The following SGCZ variants were observed in gnomAD, a reference collection of about 807,000 sequenced individuals.
The protein encoded by SGCZ is zeta-sarcoglycan.
A neutral mutation model predicts 41.3 loss-of-function variants in SGCZ; 40 were observed. The ratio of observed to expected loss-of-function variants is 0.97; its 90% CI spans 0.75 to 1.26. SGCZ has a LOEUF of 1.26. SGCZ is among the 50% of genes most tolerant of loss of function. SGCZ has a pLI of 0.00. For missense variants in SGCZ, 552 were observed against 369.8 expected (o/e 1.49, Z -4.04); for synonymous variants, 206 against 137.5 (o/e 1.50, Z -3.49).
At chr8:14,678,562 A>G (rs1000284230) in intron 1 of SGCZ, among the ~76,000 whole-genome samples, 3 of 152,248 alleles carry the variant, frequency 2.0e-5, no homozygotes, top group Non-Finnish European at 4.4e-5. Flanking sequence ...TGTGGCGCAA[A>G]AGCAATTCTC....
chr8:14,675,681 A>C lies in SGCZ; in HGVS notation c.40-120755T>G, dbSNP rs145673902. Among the ~76,000 whole-genome samples, 668 of 152,330 alleles carry C rather than the reference A, an allele frequency of 4.4e-3. 11 individuals are homozygous for C. The highest frequency in any genetic ancestry group is 0.015 in the African/African-American group (642 of 41,578). On this transcript the variant is annotated intron_variant, in intron 1 of 7. Transcript: ENST00000382080. ...CAATGGACAGAAAGAGAGGGACAGA[A>C]ACACAACTCTGATTTCCCGTCTTGC... is the stretch of plus-strand genomic sequence containing the variant.
rs796199439 is a variant in SGCZ, at chr8:14,698,160, T to C, written c.40-143234A>G. On this transcript the variant is annotated intron_variant, in intron 1 of 7. Transcript: ENST00000382080. ...CAAACAAAATATAGATGTGTTCCTT[T>C]TCCTATAAGAATGAAATATTATACT... Among the ~76,000 whole-genome samples the C allele has an allele frequency of 9.9e-5, 15 of 152,142 alleles. 1 individual carries two copies. Among genetic ancestry groups the C allele is most frequent in the African/African-American group, 3.6e-4 (15 of 41,554 alleles).
intron 2 of SGCZ, among the ~76,000 whole-genome samples, chr8:14,538,427 G>T (rs1452657141): frequency 6.6e-6 from 1 of 151,878 alleles, no homozygotes; most frequent in Non-Finnish European, 1.5e-5. Flanking sequence ...AGCAAGAGTA[G>T]AACATTCTAG....
At chr8:15,169,326 G>C (rs1799761315) in intron 1 of SGCZ, among the ~76,000 whole-genome samples, 1 of 152,146 alleles carries the variant, frequency 6.6e-6, no homozygotes, top group African/African-American at 2.4e-5. Flanking sequence ...CTGAGGTGGG[G>C]ACTTGGAAAG....
chr8:14,328,781 G>C lies in SGCZ; in HGVS notation c.235-4577C>G, dbSNP rs747591798. 8.5e-5 allele frequency among the ~76,000 whole-genome samples: 13 copies of C among 152,164 alleles called. 1 individual carries two copies. The highest frequency in any genetic ancestry group is 1.5e-4 in the Non-Finnish European group (10 of 68,034). ...TTAAGGGCCAATGTGATAGTATTAA[G>C]AGGTGGAGGCTTTAAGACATTATTA... On this transcript the variant is annotated intron_variant, in intron 2 of 7. Transcript: ENST00000382080.
At chr8:14,204,062 C>A (rs1805540666) in intron 4 of SGCZ, among the ~76,000 whole-genome samples, 1 of 151,988 alleles carries the variant, frequency 6.6e-6, no homozygotes, top group African/African-American at 2.4e-5. Flanking sequence ...AAATGCCAGG[C>A]ATTTCCATAC....
chr8:14,744,232 C>G (rs925627085), intron 1 of SGCZ, among the ~76,000 whole-genome samples: 2 of 152,266 alleles, frequency 1.3e-5, no homozygotes, highest in Non-Finnish European at 2.9e-5. Flanking sequence ...CAGACTAAGC[C>G]TGCTGAGCTA....
chr8:14,656,366 T>C lies in SGCZ; in HGVS notation c.40-101440A>G, dbSNP rs553106771. ...TCCTTCTCTCCTTCCTTCTTCCTTT[T>C]CTTTTCGTTTTTTCTTCTTTTTCTC... On this transcript the variant is annotated intron_variant, in intron 1 of 7. Transcript: ENST00000382080. Among the ~76,000 whole-genome samples the C allele has an allele frequency of 4.6e-3, 701 of 151,462 alleles. 13 individuals are homozygous for C. The East Asian group carries it at 0.052, about 11-fold the overall frequency.
At position 14,777,424 on chromosome 8, in the gene SGCZ, G is replaced by A. The variant is rs568245441; in HGVS notation, c.40-222498C>T. ...GGAAAAGTGATTTTAAATGATTAAC[G>A]CAAACGAACAAATTACCACAGTTTA... On this transcript the variant is annotated intron_variant, in intron 1 of 7. Coordinates refer to ENST00000382080, the MANE Select transcript of SGCZ (RefSeq NM_139167.4). Among the ~76,000 whole-genome samples, 46 of 152,124 alleles carry A rather than the reference G, an allele frequency of 3.0e-4. 1 individual carries two copies. The South Asian group carries it at 7.7e-3, about 25-fold the overall frequency.
At chr8:14,102,264 T>G in intron 7 of SGCZ, 112 bp downstream of exon 7, 3 of 1,167,780 alleles carry the variant, frequency 2.6e-6, no homozygotes, top group Non-Finnish European at 3.3e-6. Flanking sequence ...CAACTCCATT[T>G]ATTTTCTACT....
intron 1 of SGCZ, among the ~76,000 whole-genome samples, chr8:14,757,071 C>G (rs926067249): frequency 6.6e-6 from 1 of 151,940 alleles, no homozygotes; most frequent in Non-Finnish European, 1.5e-5. Context: ...TTTTTTGAGA[C>G]AAACTCTTGG....
chr8:14,953,013 C>A (rs1409942603), intron 1 of SGCZ, among the ~76,000 whole-genome samples: 2 of 152,056 alleles, frequency 1.3e-5, no homozygotes, highest in East Asian at 3.9e-4. Context: ...GGCCATCTAA[C>A]TTCTTGAAGA....
intron 2 of SGCZ, among the ~76,000 whole-genome samples, chr8:14,412,353 T>A (rs1799383242): frequency 6.6e-6 from 1 of 152,120 alleles, no homozygotes; most frequent in African/African-American, 2.4e-5. Flanking sequence ...TTGCATCCAA[T>A]CTACAGCAAC....
At chr8:14,357,438 T>C (rs1803338589) in intron 2 of SGCZ, among the ~76,000 whole-genome samples, 1 of 152,214 alleles carries the variant, frequency 6.6e-6, no homozygotes, top group African/African-American at 2.4e-5. Flanking sequence ...AGTTATAACA[T>C]TGACAATAAT....
At chr8:14,800,730 A>T (rs1034452985) in intron 1 of SGCZ, among the ~76,000 whole-genome samples, 1 of 152,176 alleles carries the variant, frequency 6.6e-6, no homozygotes, top group Non-Finnish European at 1.5e-5. Context: ...CTCCCCAGCC[A>T]TATGGAGGAG....
At chr8:15,207,633 A>G (rs1391875373) in intron 1 of SGCZ, among the ~76,000 whole-genome samples, 1 of 152,220 alleles carries the variant, frequency 6.6e-6, no homozygotes, top group Non-Finnish European at 1.5e-5. Flanking sequence ...GACAGCAGCA[A>G]TCACAAGGAA....
chr8:15,156,055 C>G (rs59270086), intron 1 of SGCZ, among the ~76,000 whole-genome samples: 1 of 34,328 alleles, frequency 2.9e-5, no homozygotes, highest in Non-Finnish European at 5.9e-5. Context: ...GAGATTCCCT[C>G]TCAAAAAAAA....
intron 2 of SGCZ, among the ~76,000 whole-genome samples, chr8:14,501,483 T>C (rs1802152223): frequency 6.6e-6 from 1 of 152,100 alleles, no homozygotes; most frequent in Admixed American, 6.6e-5. Flanking sequence ...ATATACCATA[T>C]AAATGTATTT....
At chr8:14,965,649 C>T (rs894819124) in intron 1 of SGCZ, among the ~76,000 whole-genome samples, 1 of 152,042 alleles carries the variant, frequency 6.6e-6, no homozygotes, top group Non-Finnish European at 1.5e-5. Flanking sequence ...ATTAACATAG[C>T]ATTTTTATAA....
Sources: allele counts gnomAD v4.1 joint callset (sites outside exome capture counted in the v4.1 genomes callset), GRCh38; gene constraint gnomAD v4.1.1; transcripts MANE v1.5; gene names NCBI Gene and HGNC (gene_info 2026-07-23, HGNC 2026-07-21).